KAT2B: variants seen among roughly 807,000 people sequenced by gnomAD.
KAT2B encodes the protein lysine acetyltransferase 2B.
Under a neutral mutation model 105.9 loss-of-function variants are expected in KAT2B, and 36 were observed. The ratio of observed to expected loss-of-function variants is 0.34; its 90% confidence interval spans 0.26 to 0.45. The LOEUF is 0.45. KAT2B is among the 20% of genes least tolerant of loss of function. The pLI is 1.00. For synonymous variants in KAT2B, 397 were observed against 377.9 expected (o/e 1.05, Z -0.59); for missense variants, 820 against 1,021.6 (o/e 0.80, Z 2.69).
chr3:20,113,186 C>T (rs1014538914), intron 6 of KAT2B, among the ~76,000 whole-genome samples: 7 of 152,192 alleles, frequency 4.6e-5, no homozygotes, highest in Non-Finnish European at 8.8e-5. Flanking sequence ...AGGGCACACT[C>T]ATGTATTTCA....
chr3:20,040,537 C>G lies in KAT2B; in HGVS notation c.60C>G (p.Ala20=), dbSNP rs1396712841. 6.0e-6 allele frequency: 6 copies of G among 1,004,230 alleles called. No individual in the cohort carries two copies. Among genetic ancestry groups the G allele is most frequent in the Non-Finnish European group, 7.2e-6 (6 of 838,288 alleles). 62.2% of individuals were successfully genotyped at this position (1,004,230 alleles called of 1,614,324 possible). Reference sequence around the variant, plus strand: ...GCGGGGCAGGAGCCGGGGCAGGGGCCGGGCCCGGGGCGCTGCCCCCGCAGC... The same window carrying G: ...GCGGGGCAGGAGCCGGGGCAGGGGCGGGGCCCGGGGCGCTGCCCCCGCAGC... ...GGCGAGAGAG[A]GPGALPPQPA... The change falls in exon 1 of 18, where the codon GCC becomes GCG. Residue 20 remains alanine, a synonymous_variant. Coordinates refer to ENST00000263754, the MANE Select transcript of KAT2B (RefSeq NM_003884.5).
chr3:20,089,821 TTTTTG>T (rs1180574207), intron 2 of KAT2B, among the ~76,000 whole-genome samples: 2 of 152,080 alleles, frequency 1.3e-5, no homozygotes, highest in Non-Finnish European at 2.9e-5. Context: ...TTTCCTTGAT[TTTTTG>T]TTTTGTTTTG....
intron 8 of KAT2B, 98 bp downstream of exon 8, chr3:20,119,821 G>T: frequency 7.6e-7 from 1 of 1,314,232 alleles, no homozygotes; most frequent in Non-Finnish European, 1.1e-6. Flanking sequence ...AGTACAGATT[G>T]TGCATGTCCA....
chr3:20,101,847 TG>T (rs1393591449), intron 5 of KAT2B, among the ~76,000 whole-genome samples: 1 of 152,214 alleles, frequency 6.6e-6, no homozygotes, highest in Non-Finnish European at 1.5e-5. Context: ...TAAAATATAT[TG>T]AAGTTAATTT....
intron 7 of KAT2B, among the ~76,000 whole-genome samples, chr3:20,118,673 C>G (rs887596653): frequency 7.0e-6 from 1 of 142,772 alleles, no homozygotes; most frequent in Non-Finnish European, 1.5e-5. Flanking sequence ...TTGCAGTGAG[C>G]CAAGATTGCA....
At chr3:20,136,920 T>G in intron 11 of KAT2B, 22 bp from the exon 12 acceptor site, 1 of 1,342,602 alleles carries the variant, frequency 7.4e-7, no homozygotes, top group South Asian at 1.2e-5. Flanking sequence ...ATGTATTTGT[T>G]TGTATACTAA....
At chr3:20,149,526 G>T (rs764248330) in intron 17 of KAT2B, among the ~76,000 whole-genome samples, 2 of 97,976 alleles carry the variant, frequency 2.0e-5, no homozygotes, top group South Asian at 8.5e-4. Flanking sequence ...AAAAATTGTG[G>T]AAGTGTTAAA....
chr3:20,151,326 A>C (rs867587792), intron 17 of KAT2B, among the ~76,000 whole-genome samples: 114 of 152,264 alleles, frequency 7.5e-4, no homozygotes, highest in African/African-American at 2.5e-3. Flanking sequence ...GGGATATTGT[A>C]CGTACATTTA....
chr3:20,104,119 G>C (rs764270572), intron 5 of KAT2B, among the ~76,000 whole-genome samples: 1 of 152,082 alleles, frequency 6.6e-6, no homozygotes, highest in Non-Finnish European at 1.5e-5. Context: ...TTTGAATATC[G>C]CTTTAGAAAT....
At chr3:20,069,553 T>A (rs1698282722) in intron 1 of KAT2B, among the ~76,000 whole-genome samples, 1 of 147,260 alleles carries the variant, frequency 6.8e-6, no homozygotes, top group Admixed American at 6.9e-5. Flanking sequence ...TGAGACAGAG[T>A]CTCACTCTGT....
intron 2 of KAT2B, among the ~76,000 whole-genome samples, chr3:20,092,850 C>T (rs780379672): frequency 2.6e-5 from 4 of 151,908 alleles, no homozygotes; most frequent in African/African-American, 7.3e-5. Flanking sequence ...TACAGGCACG[C>T]ACCACCATGC....
intron 1 of KAT2B, among the ~76,000 whole-genome samples, chr3:20,062,107 TATATTA>T: frequency 1.0e-5 from 1 of 99,676 alleles, no homozygotes; most frequent in Non-Finnish European, 1.7e-5. Context: ...ACATATAATA[TATATTA>T]TATAAAACAT....
At chr3:20,070,703 A>G (rs114222419) in intron 1 of KAT2B, among the ~76,000 whole-genome samples, 2,308 of 151,538 alleles carry the variant, frequency 0.015, 54 homozygotes, top group African/African-American at 0.052. Context: ...CACTCTGACA[A>G]TTTTCTTCAA....
rs1575149069 is a variant in KAT2B, at chr3:20,126,042, C to G, written c.1551C>G (p.Gly517=). 1 of 1,613,924 alleles carries G rather than the reference C, an allele frequency of 6.2e-7. No homozygotes were observed. The highest frequency in any genetic ancestry group is 8.5e-7 in the Non-Finnish European group (1 of 1,179,972). Reference sequence around the variant, plus strand: ...AGAAGATCCTGATGTGGCTGGTTGGCCTACAGAACGTTTTCTCCCACCAGC... The same window carrying G: ...AGAAGATCCTGATGTGGCTGGTTGGGCTACAGAACGTTTTCTCCCACCAGC... The part of the protein sequence containing the change: ...PNKKILMWLV[G]LQNVFSHQLP... Residue 517 remains glycine (G), a synonymous_variant, in exon 10 of 18, where the codon GGC becomes GGG. Coordinates refer to ENST00000263754, the MANE Select transcript of KAT2B (RefSeq NM_003884.5).
At chr3:20,052,641 A>AC (rs960206005) in intron 1 of KAT2B, among the ~76,000 whole-genome samples, 1 of 150,336 alleles carries the variant, frequency 6.7e-6, no homozygotes, top group Admixed American at 6.6e-5. Context: ...ACGGAGAGAG[A>AC]CCCCATCTCT....
intron 1 of KAT2B, among the ~76,000 whole-genome samples, chr3:20,059,202 C>T (rs191969012): frequency 2.6e-4 from 39 of 151,208 alleles, no homozygotes; most frequent in Admixed American, 1.3e-4. Flanking sequence ...CACTTGAGGT[C>T]GGGAGTTCGA....
intron 7 of KAT2B, among the ~76,000 whole-genome samples, chr3:20,119,236 A>T (rs6804701): frequency 0.41 from 62,580 of 151,352 alleles, 13,176 homozygotes; most frequent in Non-Finnish European, 0.43. Flanking sequence ...ACACACATGA[A>T]CTTCCCCAAA....
In KAT2B at chr3:20,081,640, T is replaced by G. The variant is rs546384521; in HGVS notation, c.430+9181T>G. Among the ~76,000 whole-genome samples the G allele has an allele frequency of 2.0e-5, 3 of 152,240 alleles. No homozygotes were observed. The South Asian group carries it at 6.2e-4, about 32-fold the overall frequency. On this transcript the variant is annotated intron_variant, in intron 2 of 17. Coordinates refer to ENST00000263754, the MANE Select transcript of KAT2B (RefSeq NM_003884.5). ...GCCACAGCTCAAGGGTTGGTCAATC[T>G]TGGGTAATTAGTGTATATCAATGCT... is the stretch of plus-strand genomic sequence containing the variant.
At chr3:20,049,568 G>A (rs1188981659) in intron 1 of KAT2B, among the ~76,000 whole-genome samples, 1 of 152,188 alleles carries the variant, frequency 6.6e-6, no homozygotes, top group African/African-American at 2.4e-5. Flanking sequence ...GGTAGAGGGG[G>A]TCGCTTTTCT....
Sources: allele counts gnomAD v4.1 joint callset (sites outside exome capture counted in the v4.1 genomes callset), GRCh38; gene constraint gnomAD v4.1.1; transcripts MANE v1.5; gene names NCBI Gene and HGNC (gene_info 2026-07-23, HGNC 2026-07-21).